DNHD1: variants seen among roughly 807,000 people sequenced by gnomAD.
DNHD1 encodes dynein heavy chain domain 1.
A neutral mutation model predicts 458.1 loss-of-function variants in DNHD1; 383 were observed. That is an observed-to-expected ratio of 0.84 (90% confidence interval 0.77 to 0.91). The LOEUF is 0.91. Ranked by LOEUF, DNHD1 falls within the 40% of genes least tolerant of loss-of-function variation. DNHD1 has a pLI of 0.00. For synonymous variants in DNHD1, 2,203 were observed against 2,376.9 expected (o/e 0.93, Z 2.13); for missense variants, 5,336 against 5,866.1 (o/e 0.91, Z 2.95).
At chr11:6,541,600 T>C (rs1419500647) in intron 18 of DNHD1, among the ~76,000 whole-genome samples, 1 of 152,184 alleles carries the variant, frequency 6.6e-6, no homozygotes, top group Non-Finnish European at 1.5e-5. Context: ...GAGGAGGGGA[T>C]GGAGCAGATG....
intron 13 of DNHD1, 55 bp downstream of exon 13, chr11:6,533,239 A>G: frequency 6.6e-7 from 1 of 1,512,128 alleles, no homozygotes; most frequent in Non-Finnish European, 8.9e-7. Flanking sequence ...CCTGCTCAAA[A>G]GCTCAGCACA....
At chr11:6,532,867 A>G (rs894764155) in intron 12 of DNHD1, among the ~76,000 whole-genome samples, 160 bp from the exon 13 acceptor site, 2 of 152,182 alleles carry the variant, frequency 1.3e-5, no homozygotes, top group Admixed American at 6.5e-5. Context: ...CCCAGTGCAT[A>G]GCAGCTGACT....
At chr11:6,523,524 A>G (rs1214854016) in intron 10 of DNHD1, among the ~76,000 whole-genome samples, 1 of 152,174 alleles carries the variant, frequency 6.6e-6, no homozygotes, top group Non-Finnish European at 1.5e-5. Context: ...AAGGAAACCT[A>G]TAGTAAAGAT....
At position 6,571,859 on chromosome 11, in the gene DNHD1, G is replaced by GA. The variant is rs1186419578; in HGVS notation, c.14136dup (p.Gly4713ArgfsTer7). On this transcript the variant is annotated frameshift_variant, in exon 43 of 43. Transcript: ENST00000254579. LOFTEE classifies it high-confidence loss of function. This position sits in a 1 kb window ranked among gnomAD's most constrained non-coding sequence, Gnocchi z 5.0. ...GTGTACTCGTGTCCTGTGTACATGGGAGGGCCCCTTGGCACCGCTAAGCTG... is the reference window on the plus strand; with the variant it reads ...GTGTACTCGTGTCCTGTGTACATGGGAAGGGCCCCTTGGCACCGCTAAGCTG... 6.2e-7 allele frequency: 1 copy of GA among 1,614,010 alleles called. No homozygotes were observed. The highest frequency in any genetic ancestry group is 1.7e-5 in the Admixed American group (1 of 60,024).
chr11:6,502,672 T>C (rs1852162167), intron 3 of DNHD1, 81 bp from the exon 4 acceptor site: 7 of 1,356,988 alleles, frequency 5.2e-6, no homozygotes, highest in Non-Finnish European at 6.9e-6. Flanking sequence ...CTCCTTTCAC[T>C]AGCCAACAGT....
chr11:6,500,039 A>C (rs1180692850), intron 3 of DNHD1, among the ~76,000 whole-genome samples: 1 of 149,850 alleles, frequency 6.7e-6, no homozygotes, highest in East Asian at 2.0e-4. Flanking sequence ...ACCTTGGCTC[A>C]CTGCAACCTC....
chr11:6,555,914 A>G (rs1423291400), intron 24 of DNHD1, among the ~76,000 whole-genome samples: 2 of 152,190 alleles, frequency 1.3e-5, no homozygotes, highest in Non-Finnish European at 2.9e-5. Context: ...AAATTCACTG[A>G]ACTGTACACT....
Position 6,544,964 on chromosome 11 carries a change from T to C in DNHD1, c.4025T>C (p.Ile1342Thr). ...GGATCGGTGGAGCTGGAGGGCATCA[T>C]CATGAGTCTGGAGAGCGTGCTCTAT... ...QAGSVELEGI[I>T]MSLESVLYGV... The change falls in exon 21 of 43, where the codon ATC becomes ACC. Residue 1342 changes from isoleucine (I) to threonine (T), a missense_variant. By Grantham distance (89) the Ile-to-Thr change is moderately conservative. Around this residue, in one of 4 missense-constraint regions of DNHD1, gnomAD observed 3,932 missense variants for 4,365.6 expected, o/e 0.90. Transcript: ENST00000254579. 1 of 1,551,694 alleles carries C rather than the reference T, an allele frequency of 6.4e-7. No homozygotes were observed. The highest frequency in any genetic ancestry group is 8.7e-7 in the Non-Finnish European group (1 of 1,146,974).
At chr11:6,547,723 A>G (rs760723438) in intron 21 of DNHD1, 57 bp downstream of exon 21, 55 of 1,482,848 alleles carry the variant, frequency 3.7e-5, no homozygotes, top group East Asian at 4.9e-5. Flanking sequence ...TAGCTGGGGT[A>G]TATAGCTGGA....
Position 6,571,817 on chromosome 11 carries a change from C to T in DNHD1, c.14093C>T (p.Ala4698Val), listed in dbSNP as rs533421838. The T allele has an allele frequency of 5.6e-6, 9 of 1,614,008 alleles. No homozygotes were observed. The African/African-American group carries it at 1.2e-4, about 22-fold the overall frequency. The change falls in exon 43 of 43, where the codon GCC (alanine) becomes GTC (valine). Residue 4698 changes from alanine (A) to valine (V), a missense_variant. Ala to Val is a moderately conservative substitution (Grantham distance 64). Around this residue, in one of 4 missense-constraint regions of DNHD1, gnomAD observed 698 missense variants for 664.9 expected, o/e 1.05. Transcript: ENST00000254579. This position sits in a 1 kb window ranked among gnomAD's most constrained non-coding sequence, Gnocchi z 5.0. Reference sequence around the variant, plus strand: ...GCCCCGGGCACCAGTGACCTGCCAGCCCCAGCCGACCTGACTGTGTACTCG... The same window carrying T: ...GCCCCGGGCACCAGTGACCTGCCAGTCCCAGCCGACCTGACTGTGTACTCG... ...TQAPGTSDLP[A>V]PADLTVYSCP... is the part of the protein sequence containing the mutation.
rs1009512376 is a variant in DNHD1, at chr11:6,562,844, C to G, written c.9520-138C>G. The G allele has an allele frequency of 4.1e-6, 4 of 966,928 alleles. No homozygotes were observed. The South Asian group carries it at 7.0e-5, about 17-fold the overall frequency. 59.9% of individuals were successfully genotyped at this position (966,928 alleles called of 1,614,324 possible). A position where few individuals can be genotyped will look rare whatever the true frequency, so the allele number is the denominator to read the frequency against. ...GTGACAGACCCAGAGCTCAGCCTCTCTCTGTGGCCTACTTGGAGTTCAACG... is the reference window on the plus strand; with the variant it reads ...GTGACAGACCCAGAGCTCAGCCTCTGTCTGTGGCCTACTTGGAGTTCAACG... On this transcript the variant is annotated intron_variant, in intron 28 of 42. Transcript: ENST00000254579.
At chr11:6,541,382 CATAA>C (rs1223622613) in intron 18 of DNHD1, among the ~76,000 whole-genome samples, 1 of 152,200 alleles carries the variant, frequency 6.6e-6, no homozygotes, top group Non-Finnish European at 1.5e-5. Context: ...ACATAACTCA[CATAA>C]ATAGATTTGC....
At chr11:6,561,563 C>T (rs545057500) in intron 28 of DNHD1, among the ~76,000 whole-genome samples, 2 of 152,290 alleles carry the variant, frequency 1.3e-5, no homozygotes, top group Admixed American at 6.5e-5. Flanking sequence ...AATGACAAAA[C>T]CGTGTTATAA....
At position 6,571,463 on chromosome 11, in the gene DNHD1, T is replaced by C. The variant is rs755078856; in HGVS notation, c.13911+40T>C. 13 of 1,517,378 alleles carry C rather than the reference T, an allele frequency of 8.6e-6. No individual in the cohort carries two copies. The highest frequency in any genetic ancestry group is 6.1e-5 in the Admixed American group (3 of 48,938). The allele number at this position is 1,517,378 out of a possible 1,614,324, so 94.0% of individuals were successfully genotyped here. ...CCCCTCGTTCGCGGTTCCAGTCCCC[T>C]CGAAGTCTCTAATTACACCTCGCAG... is the stretch of plus-strand genomic sequence containing the variant. On this transcript the variant is annotated intron_variant, in intron 42 of 42. Transcript: ENST00000254579. The surrounding 1 kb of genome is among the most constrained non-coding windows in gnomAD (Gnocchi z 5.0).
rs767706779 is a variant in DNHD1 at position 6,557,169 on chromosome 11, G to T, written c.7874G>T (p.Arg2625Leu). Residue 2625 changes from arginine to leucine, a missense_variant, in exon 25 of 43, where the codon CGG becomes CTG. Arg to Leu is a moderately radical substitution (Grantham distance 102, BLOSUM62 -2). Coordinates refer to ENST00000254579, the MANE Select transcript of DNHD1 (RefSeq NM_144666.3). ...CCCAACCACCAGGAGCACTTGCGCCGGGTGTCAGGCCTGCGAGGCACTTGT... is the reference window on the plus strand; with the variant it reads ...CCCAACCACCAGGAGCACTTGCGCCTGGTGTCAGGCCTGCGAGGCACTTGT... ...DYPNHQEHLR[R>L]VSGLRGTCLT... 3.2e-6 allele frequency: 5 copies of T among 1,551,740 alleles called. No individual in the cohort carries two copies. Among genetic ancestry groups the T allele is most frequent in the Non-Finnish European group, 4.4e-6 (5 of 1,147,004 alleles).
rs1039419901 is a variant in DNHD1 at position 6,533,776 on chromosome 11, T to A, written c.2601T>A (p.Phe867Leu). Residue 867 changes from phenylalanine (F) to leucine (L), a missense_variant, in exon 14 of 43, where the codon TTT (phenylalanine) becomes TTA (leucine). By Grantham distance (22) the Phe-to-Leu change is conservative (BLOSUM62 0). This residue lies in a region of DNHD1 where 3,932 missense variants were observed against 4,365.6 expected (regional missense o/e 0.90). Transcript: ENST00000254579. Reference sequence around the variant, plus strand: ...TCATCCGCAACCACTTTAGCCTCTTTAGTGCTGAGAATGAAGCACTGGACA... The same window carrying A: ...TCATCCGCAACCACTTTAGCCTCTTAAGTGCTGAGAATGAAGCACTGGACA... ...HELIRNHFSL[F>L]SAENEALDIS... 9 of 1,551,256 alleles carry A rather than the reference T, an allele frequency of 5.8e-6. No individual in the cohort carries two copies. Among genetic ancestry groups the A allele is most frequent in the Non-Finnish European group, 7.8e-6 (9 of 1,146,938 alleles).
intron 3 of DNHD1, among the ~76,000 whole-genome samples, chr11:6,500,785 C>G (rs1157723902): frequency 6.6e-6 from 1 of 152,138 alleles, no homozygotes; most frequent in African/African-American, 2.4e-5. Context: ...CTGCAAGATG[C>G]TAGGGATACA....
rs868212043 is a variant in DNHD1 at position 6,556,830 on chromosome 11, G to A, written c.7535G>A (p.Arg2512His). 1.5e-5 allele frequency: 23 copies of A among 1,551,486 alleles called. No individual in the cohort carries two copies. The highest frequency in any genetic ancestry group is 1.7e-4 in the Middle Eastern group (1 of 6,012). Residue 2512 changes from arginine to histidine, a missense_variant, in exon 25 of 43, where the codon CGC becomes CAC. Physicochemically the swap from Arg to His is conservative, Grantham distance 29. Transcript: ENST00000254579. Reference sequence around the variant, plus strand: ...GTCACAGTGCCAGGATACTGTGAGCGCCCACTGTGTCCACGCCTCTTTCGA... The same window carrying A: ...GTCACAGTGCCAGGATACTGTGAGCACCCACTGTGTCCACGCCTCTTTCGA... ...ATVTVPGYCE[R>H]PLCPRLFRLF...
chr11:6,511,568 C>T (rs1277803332), intron 7 of DNHD1, 139 bp downstream of exon 7: 45 of 1,091,444 alleles, frequency 4.1e-5, no homozygotes, highest in Non-Finnish European at 5.8e-5. Context: ...TTTTCCTGCC[C>T]AGCAACAGCA....
Sources: gnomAD v4.1 joint callset for allele counts (sites outside exome capture counted in the v4.1 genomes callset) on GRCh38, gnomAD v4.1.1 for gene constraint, gnomAD v4.1.1 regional missense constraint, Gnocchi (gnomAD v3.1) non-coding constraint, MANE v1.5 for transcripts, NCBI Gene and HGNC (gene_info 2026-07-23, HGNC 2026-07-21) for gene names.